Variants in KIAA1958 observed in about 807,000 individuals in gnomAD.
The protein encoded by KIAA1958 is KIAA1958.
KIAA1958 carries 14 observed loss-of-function variants against 47.2 expected under a neutral mutation model. The ratio of observed to expected loss-of-function variants is 0.30; its 90% CI spans 0.20 to 0.46. KIAA1958 has a LOEUF of 0.46. Ranked by LOEUF, KIAA1958 falls within the 20% of genes least tolerant of loss-of-function variation. KIAA1958 has a pLI of 1.00. For missense variants in KIAA1958, 803 were observed against 909.2 expected (o/e 0.88, Z 1.50); for synonymous variants, 354 against 353.3 (o/e 1.00, Z -0.02).
At chr9:112,644,784 G>C (rs1836948960) in intron 2 of KIAA1958, among the ~76,000 whole-genome samples, 1 of 151,946 alleles carries the variant, frequency 6.6e-6, no homozygotes, top group Admixed American at 6.6e-5. Context: ...ATGGGTTGTG[G>C]AATCAGGATT....
chr9:112,561,427 C>T (rs1835327369), intron 1 of KIAA1958, among the ~76,000 whole-genome samples: 1 of 152,180 alleles, frequency 6.6e-6, no homozygotes, highest in Non-Finnish European at 1.5e-5. Flanking sequence ...TTCTTCCTGC[C>T]TTGCCACCAT....
intron 2 of KIAA1958, among the ~76,000 whole-genome samples, chr9:112,591,298 A>G (rs1835915107): frequency 6.6e-6 from 1 of 151,890 alleles, no homozygotes. Flanking sequence ...ATTAGCCAGG[A>G]TGGTCTCGAT....
intron 2 of KIAA1958, among the ~76,000 whole-genome samples, chr9:112,581,446 C>G (rs1256707844): frequency 6.6e-6 from 1 of 152,122 alleles, no homozygotes; most frequent in African/African-American, 2.4e-5. Flanking sequence ...GGACCAGTAT[C>G]ACCACCAGCA....
chr9:112,545,020 A>G (rs891528848), intron 1 of KIAA1958, among the ~76,000 whole-genome samples: 8 of 152,182 alleles, frequency 5.3e-5, no homozygotes, highest in African/African-American at 1.7e-4. Context: ...CTTAGGATTC[A>G]GTTCATTAAT....
Position 112,558,734 on chromosome 9 carries a change from C to T in KIAA1958, c.-24-15323C>T, listed in dbSNP as rs537418970. On this transcript the variant is annotated intron_variant, in intron 1 of 3. Transcript: ENST00000337530. ...ACTTTCAGCACTCACCATCCACATA[C>T]CTAAAAATAAGAGTCAGAATGGAGG... Among the ~76,000 whole-genome samples the T allele has an allele frequency of 5.3e-5, 8 of 152,276 alleles. No homozygotes were observed. The East Asian group carries it at 1.5e-3, about 29-fold the overall frequency.
intron 1 of KIAA1958, among the ~76,000 whole-genome samples, chr9:112,531,486 C>CT (rs1211584663): frequency 3.9e-5 from 6 of 152,158 alleles, no homozygotes; most frequent in Admixed American, 1.3e-4. Context: ...TTAACAGAGA[C>CT]TATCTATTAA....
chr9:112,535,895 C>T (rs777142279), intron 1 of KIAA1958, among the ~76,000 whole-genome samples: 1 of 152,102 alleles, frequency 6.6e-6, no homozygotes, highest in Non-Finnish European at 1.5e-5. Context: ...GTGATTTTTA[C>T]TGTTGAGGAA....
chr9:112,519,278 A>G (rs903522830), intron 1 of KIAA1958, among the ~76,000 whole-genome samples: 3 of 152,114 alleles, frequency 2.0e-5, no homozygotes, highest in Non-Finnish European at 1.5e-5. Context: ...GCTCTATGAA[A>G]CATGTGTTTT....
intron 1 of KIAA1958, among the ~76,000 whole-genome samples, chr9:112,571,083 G>A (rs954227085): frequency 1.4e-5 from 2 of 142,308 alleles, no homozygotes; most frequent in African/African-American, 2.6e-5. Flanking sequence ...GATGGTGCCC[G>A]CCAATATTCA....
chr9:112,609,949 A>G (rs952369661), intron 2 of KIAA1958, among the ~76,000 whole-genome samples: 3 of 152,196 alleles, frequency 2.0e-5, no homozygotes, highest in African/African-American at 7.2e-5. Context: ...ACAGTGCATT[A>G]CCTTCTGCTG....
chr9:112,576,494 C>T (rs1429000585), intron 2 of KIAA1958, among the ~76,000 whole-genome samples: 1 of 152,086 alleles, frequency 6.6e-6, no homozygotes, highest in Admixed American at 6.6e-5. Context: ...AAATCCCATA[C>T]CCATTAACAG....
At chr9:112,642,740 A>G (rs965272116) in intron 2 of KIAA1958, among the ~76,000 whole-genome samples, 1 of 152,168 alleles carries the variant, frequency 6.6e-6, no homozygotes, top group Non-Finnish European at 1.5e-5. Flanking sequence ...TTCTTCACCA[A>G]TATAGTCTTT....
chr9:112,529,844 T>G (rs901282258), intron 1 of KIAA1958, among the ~76,000 whole-genome samples: 9 of 518 alleles, frequency 0.017, no homozygotes, highest in African/African-American at 0.056. Context: ...TCCTCTTACT[T>G]TTTTTTTTTC....
rs969295499 is a variant in KIAA1958, at chr9:112,660,127, G to A, written c.*58G>A. The A allele has an allele frequency of 1.2e-5, 18 of 1,493,574 alleles. No homozygotes were observed. The highest frequency in any genetic ancestry group is 1.6e-5 in the Non-Finnish European group (18 of 1,091,608). 92.5% of individuals were successfully genotyped at this position (1,493,574 alleles called of 1,614,324 possible). ...CCTGCTCGGGCCAGCCAGGGTTGGA[G>A]CAGCTGGAGCTCCTTGGAGGCAGGG... On this transcript the variant is annotated 3_prime_UTR_variant, in exon 4 of 4. Coordinates refer to ENST00000337530, the MANE Select transcript of KIAA1958 (RefSeq NM_133465.4).
chr9:112,628,974 T>A (rs1401101220), intron 2 of KIAA1958, among the ~76,000 whole-genome samples: 1 of 152,132 alleles, frequency 6.6e-6, no homozygotes, highest in East Asian at 1.9e-4. Context: ...ATTGAAAGTG[T>A]TTTAGATTCA....
At chr9:112,644,168 AC>A (rs1253155024) in intron 2 of KIAA1958, among the ~76,000 whole-genome samples, 1 of 146,702 alleles carries the variant, frequency 6.8e-6, no homozygotes, top group African/African-American at 2.5e-5. Flanking sequence ...ACAGAGCGAG[AC>A]TCCATCTCAA....
At chr9:112,578,352 A>G (rs973024961) in intron 2 of KIAA1958, among the ~76,000 whole-genome samples, 1 of 152,180 alleles carries the variant, frequency 6.6e-6, no homozygotes, top group Admixed American at 6.5e-5. Flanking sequence ...TGGACCTTAC[A>G]CAGTTAATAT....
At chr9:112,496,672 C>G (rs951879991) in intron 1 of KIAA1958, among the ~76,000 whole-genome samples, 1 of 152,118 alleles carries the variant, frequency 6.6e-6, no homozygotes, top group Non-Finnish European at 1.5e-5. Context: ...CCACTCCTGC[C>G]TCTTTGTTTG....
At chr9:112,641,248 C>A (rs1383604085) in intron 2 of KIAA1958, among the ~76,000 whole-genome samples, 1 of 151,392 alleles carries the variant, frequency 6.6e-6, no homozygotes, top group Admixed American at 6.6e-5. Flanking sequence ...TTTGCCCTAG[C>A]ATTTGAATGC....
Sources: allele counts gnomAD v4.1 joint callset (sites outside exome capture counted in the v4.1 genomes callset), GRCh38; gene constraint gnomAD v4.1.1; transcripts MANE v1.5; gene names NCBI Gene and HGNC (gene_info 2026-07-23, HGNC 2026-07-21).